Variants in PCDHA8 observed in about 807,000 individuals in gnomAD.
PCDHA8 encodes protocadherin alpha-8.
Under a neutral mutation model 61.8 loss-of-function variants are expected in PCDHA8, and 53 were observed. The observed-to-expected ratio is 0.86, with a 90% CI of 0.69 to 1.08. The LOEUF is 1.08. Ranked by LOEUF, PCDHA8 falls within the 50% of genes least tolerant of loss-of-function variation. PCDHA8 has a pLI of 0.00. For missense variants in PCDHA8, 1,293 were observed against 1,245.0 expected (o/e 1.04, Z -0.58); for synonymous variants, 618 against 556.6 (o/e 1.11, Z -1.55).
intron 3 of PCDHA8, among the ~76,000 whole-genome samples, chr5:141,006,247 T>C (rs1554260651): frequency 2.0e-5 from 3 of 152,126 alleles, no homozygotes; most frequent in Non-Finnish European, 2.9e-5. Context: ...AGTCTTGCTC[T>C]GTTGCCCAGG....
At position 140,842,413 on chromosome 5, in the gene PCDHA8, A is replaced by G. The variant is rs1206715629; in HGVS notation, c.1092A>G (p.Gln364=). 3.1e-6 allele frequency: 5 copies of G among 1,613,082 alleles called. No individual in the cohort carries two copies. Among genetic ancestry groups the G allele is most frequent in the East Asian group, 2.2e-5 (1 of 44,870 alleles). The change falls in exon 1 of 4, where the codon CAA becomes CAG. Residue 364 remains glutamine (Q), a synonymous_variant. Coordinates refer to ENST00000531613, the MANE Select transcript of PCDHA8 (RefSeq NM_018911.3). ...CCTTGCCTGTACGTGAAGACGCTCA[A>G]TTTGGTACTGTCATCGCCCTAATTA... ...SLSLPVREDA[Q]FGTVIALISV...
intron 1 of PCDHA8, among the ~76,000 whole-genome samples, chr5:140,944,328 C>T (rs1478623361): frequency 1.3e-5 from 2 of 152,124 alleles, no homozygotes; most frequent in African/African-American, 4.8e-5. Context: ...GCTGGGATTA[C>T]AAGCACGTGC....
At chr5:140,965,109 C>T (rs940351305) in intron 1 of PCDHA8, among the ~76,000 whole-genome samples, 3 of 152,168 alleles carry the variant, frequency 2.0e-5, no homozygotes, top group African/African-American at 7.2e-5. Context: ...GAAAATGACC[C>T]ATAGAGGAAG....
Position 140,979,012 on chromosome 5 carries a change from G to A in PCDHA8, c.2453+5G>A, listed in dbSNP as rs2096831231. The A allele has an allele frequency of 1.9e-6, 3 of 1,613,794 alleles. No individual in the cohort carries two copies. Among genetic ancestry groups the A allele is most frequent in the African/African-American group, 2.7e-5 (2 of 74,926 alleles). ...CCTGAGAGCAGGCATGCACAGGTAT[G>A]TATTTCCCTCCTCATTCACTCAGAA... On this transcript the variant is annotated splice_donor_5th_base_variant and intron_variant, in intron 2 of 3. Coordinates refer to ENST00000531613, the MANE Select transcript of PCDHA8 (RefSeq NM_018911.3).
At chr5:140,938,218 T>A (rs1050033125) in intron 1 of PCDHA8, among the ~76,000 whole-genome samples, 3 of 152,210 alleles carry the variant, frequency 2.0e-5, no homozygotes, top group Admixed American at 2.0e-4. Context: ...AGTGCTGGGA[T>A]TACAGGCATA....
chr5:140,966,538 C>T, intron 1 of PCDHA8: 2 of 463,262 alleles, frequency 4.3e-6, no homozygotes, highest in South Asian at 1.1e-4. Flanking sequence ...GGTTGAGCGA[C>T]TCGGAGGCGA....
intron 1 of PCDHA8, chr5:140,967,795 G>A (rs1399903836): frequency 3.1e-6 from 5 of 1,614,068 alleles, no homozygotes; most frequent in Non-Finnish European, 1.7e-6. Context: ...GGGGTCCAGT[G>A]CCCATGGCAG....
rs201991205 is a variant in PCDHA8 at position 140,982,521 on chromosome 5, G to C, written c.2500G>C (p.Gly834Arg). ...TGGCATTCTACGGGCTGGTCCAGGAGGGCCTGATCAGCAGTGGCCAACAGT... is the reference window on the plus strand; with the variant it reads ...TGGCATTCTACGGGCTGGTCCAGGACGGCCTGATCAGCAGTGGCCAACAGT... ...EAGILRAGPG[G>R]PDQQWPTVSS... Residue 834 changes from glycine to arginine, a missense_variant, in exon 3 of 4, where the codon GGG becomes CGG. Gly to Arg is a moderately radical substitution (Grantham distance 125). Coordinates refer to ENST00000531613, the MANE Select transcript of PCDHA8 (RefSeq NM_018911.3). The C allele has an allele frequency of 9.3e-6, 15 of 1,614,216 alleles. No individual in the cohort carries two copies. In the Admixed American group the frequency reaches 2.3e-4, roughly 25 times the overall value.
chr5:140,854,175 A>AAAAGAGT, intron 1 of PCDHA8: 1 of 674,398 alleles, frequency 1.5e-6, no homozygotes, highest in Non-Finnish European at 1.8e-6. Context: ...AAAAAAAAAA[A>AAAAGAGT]AGAGTAGTTT....
intron 3 of PCDHA8, among the ~76,000 whole-genome samples, chr5:140,997,728 A>G (rs1376007377): frequency 6.6e-6 from 1 of 152,030 alleles, no homozygotes; most frequent in Non-Finnish European, 1.5e-5. Flanking sequence ...ACGTCAGTAC[A>G]TATAGATTTG....
rs2150331306 is a variant in PCDHA8 at position 140,842,186 on chromosome 5, G to A, written c.865G>A (p.Val289Ile). ...YSFNSLVETM[V>I]IDHFSIDRNT... The stretch of plus-strand genomic sequence containing the variant: ...TTTTAATAGCCTTGTTGAAACTATG[G>A]TTATTGACCACTTTAGCATAGATCG... The change falls in exon 1 of 4, where the codon GTT (valine) becomes ATT (isoleucine). Residue 289 changes from valine to isoleucine, a missense_variant. Coordinates refer to ENST00000531613, the MANE Select transcript of PCDHA8 (RefSeq NM_018911.3). 1.3e-5 allele frequency: 21 copies of A among 1,613,692 alleles called. No individual in the cohort carries two copies. Among genetic ancestry groups the A allele is most frequent in the Middle Eastern group, 1.6e-4 (1 of 6,084 alleles).
chr5:140,903,647 T>A (rs1583499959), intron 1 of PCDHA8, among the ~76,000 whole-genome samples: 1 of 152,228 alleles, frequency 6.6e-6, no homozygotes, highest in East Asian at 1.9e-4. Flanking sequence ...ACCATATACA[T>A]ATATTATAAA....
At chr5:140,867,316 T>C (rs1234644689) in intron 1 of PCDHA8, 5 of 152,146 alleles carry the variant, frequency 3.3e-5, no homozygotes, top group African/African-American at 1.2e-4. Context: ...TGTCATCTGG[T>C]CTAATGTTAT....
chr5:141,008,439 G>A (rs2098377388), intron 3 of PCDHA8, among the ~76,000 whole-genome samples: 1 of 152,128 alleles, frequency 6.6e-6, no homozygotes, highest in African/African-American at 2.4e-5. Context: ...TGCCCAGACA[G>A]ACCATTACCC....
intron 1 of PCDHA8, chr5:140,871,535 G>GTTTC: frequency 6.6e-7 from 1 of 1,514,054 alleles, no homozygotes; most frequent in Non-Finnish European, 8.9e-7. Flanking sequence ...AAGTGTATGT[G>GTTTC]AAATTATTTA....
In PCDHA8 at chr5:141,009,886, C is replaced by T. The variant is rs377373799; in HGVS notation, c.2802C>T (p.Thr934=). Residue 934 remains threonine (T), a synonymous_variant, in exon 4 of 4, where the codon ACC becomes ACT. Transcript: ENST00000531613. ...AGAAAAAGAAGAAGGGTAACAAGAC[C>T]CAGGAGAAAAAAGAGAAAGGGAACA... ...KKKKKKKGNK[T]QEKKEKGNST... is the part of the protein sequence containing the mutation. The T allele has an allele frequency of 9.0e-4, 1,444 of 1,612,840 alleles. 15 individuals are homozygous for T. The South Asian group carries it at 0.015, about 17-fold the overall frequency.
chr5:140,966,351 T>C (rs2095993357), intron 1 of PCDHA8: 1 of 397,668 alleles, frequency 2.5e-6, no homozygotes, highest in South Asian at 1.4e-4. Flanking sequence ...GTGAAGGAGA[T>C]GGGGCTGGAG....
At chr5:140,925,526 CGAG>C (rs2082539432) in intron 1 of PCDHA8, among the ~76,000 whole-genome samples, 1 of 151,910 alleles carries the variant, frequency 6.6e-6, no homozygotes, top group South Asian at 2.1e-4. Flanking sequence ...AAATTAAAAG[CGAG>C]GAGAAATACC....
At chr5:140,891,972 T>C (rs1273277446) in intron 1 of PCDHA8, among the ~76,000 whole-genome samples, 1 of 152,222 alleles carries the variant, frequency 6.6e-6, no homozygotes, top group African/African-American at 2.4e-5. Flanking sequence ...TAAATTTCCG[T>C]TCTCATAAAT....
Sources: gnomAD v4.1 joint callset for allele counts (sites outside exome capture counted in the v4.1 genomes callset) on GRCh38, gnomAD v4.1.1 for gene constraint, MANE v1.5 for transcripts, NCBI Gene and HGNC (gene_info 2026-07-23, HGNC 2026-07-21) for gene names.